The following PTDSS2 variants were observed in gnomAD, a reference collection of about 807,000 sequenced individuals.
PTDSS2 encodes phosphatidylserine synthase 2.
A neutral mutation model predicts 64.7 loss-of-function variants in PTDSS2; 41 were observed. The ratio of observed to expected loss-of-function variants is 0.63; its 90% confidence interval spans 0.49 to 0.82. PTDSS2 has a LOEUF of 0.82. PTDSS2 is among the 40% of genes least tolerant of loss of function. PTDSS2 has a pLI of 0.00. For synonymous variants in PTDSS2, 297 were observed against 277.8 expected, an observed-to-expected ratio of 1.07 and a Z score of -0.69; for missense variants, 485 against 650.0, an observed-to-expected ratio of 0.75 and a Z score of 2.76.
intron 1 of PTDSS2, among the ~76,000 whole-genome samples, chr11:452,732 CTT>C (rs1846396791): frequency 1.3e-5 from 2 of 152,144 alleles, no homozygotes; most frequent in Non-Finnish European, 2.9e-5. Flanking sequence ...GAGCTTCACG[CTT>C]CTGGGTGGCA....
Position 470,407 on chromosome 11 carries a change from G to A in PTDSS2, c.285-3488G>A, listed in dbSNP as rs80134326. On this transcript the variant is annotated intron_variant, in intron 2 of 11. Coordinates refer to ENST00000308020, the MANE Select transcript of PTDSS2 (RefSeq NM_030783.3). The surrounding 1 kb of genome is among the most constrained non-coding windows in gnomAD (Gnocchi z 5.3). ...ATCCAGGTCATCAGAGACAAGGAGA[G>A]TCTGAGAAACCGTCCCAGCCTCGGG... Among the ~76,000 whole-genome samples the A allele has an allele frequency of 4.2e-3, 641 of 152,278 alleles. 3 individuals carry two copies. The highest frequency in any genetic ancestry group is 0.015 in the African/African-American group (617 of 41,550).
chr11:485,358 G>A (rs1261978173), intron 4 of PTDSS2, among the ~76,000 whole-genome samples: 7 of 142,832 alleles, frequency 4.9e-5, no homozygotes, highest in African/African-American at 1.1e-4. Context: ...CTGCGCAGGC[G>A]TCTGTAAACA....
chr11:473,677 G>A (rs1282297754), intron 2 of PTDSS2, among the ~76,000 whole-genome samples: 2 of 152,170 alleles, frequency 1.3e-5, no homozygotes, highest in South Asian at 2.1e-4. Context: ...TCCCTGCCGC[G>A]GAGGCGGCAA....
At chr11:450,982 C>G (rs1045425587) in intron 1 of PTDSS2, among the ~76,000 whole-genome samples, 5 of 152,100 alleles carry the variant, frequency 3.3e-5, no homozygotes, top group Admixed American at 2.6e-4. Flanking sequence ...CCACCCGCCT[C>G]CAGCGTCACC....
chr11:459,984 T>G (rs1399338128), intron 1 of PTDSS2: 1 of 561,094 alleles, frequency 1.8e-6, no homozygotes, highest in African/African-American at 1.9e-5. Context: ...TCCTGGGGGC[T>G]GGTCTCAGCC....
chr11:458,737 A>G (rs529115506), intron 1 of PTDSS2: 3 of 152,176 alleles, frequency 2.0e-5, no homozygotes, highest in African/African-American at 4.8e-5. Context: ...GGCTCAAGCA[A>G]TCCTCTTGTC....
At chr11:478,341 C>T (rs943653101) in intron 3 of PTDSS2, among the ~76,000 whole-genome samples, 8 of 151,598 alleles carry the variant, frequency 5.3e-5, no homozygotes, top group Non-Finnish European at 8.8e-5. Flanking sequence ...TACCTGTGGT[C>T]CCAGCTACTC....
Position 490,026 on chromosome 11 carries a change from C to T in PTDSS2, c.1259C>T (p.Ser420Phe). The T allele has an allele frequency of 1.2e-6, 2 of 1,611,296 alleles. No individual in the cohort carries two copies. The highest frequency in any genetic ancestry group is 1.7e-6 in the Non-Finnish European group (2 of 1,179,960). The change falls in exon 11 of 12, where the codon TCC (serine) becomes TTC (phenylalanine). Residue 420 changes from serine to phenylalanine, a missense_variant. Coordinates refer to ENST00000308020, the MANE Select transcript of PTDSS2 (RefSeq NM_030783.3). The stretch of plus-strand genomic sequence containing the variant: ...ATCTCCCAGTGCTGGACCCTCGGCT[C>T]CGTCCTGGCGCTCACCTGGACCGTC... ...FYISQCWTLG[S>F]VLALTWTVWR... is the part of the protein sequence containing the mutation.
intron 1 of PTDSS2, among the ~76,000 whole-genome samples, chr11:457,675 T>TTTG (rs1236091867): frequency 6.6e-6 from 1 of 152,208 alleles, no homozygotes; most frequent in Admixed American, 6.5e-5. Context: ...CGTTTTAGGT[T>TTTG]ATTATACCTG....
chr11:470,357 T>A lies in PTDSS2; in HGVS notation c.285-3538T>A, dbSNP rs2133793623. Reference sequence around the variant, plus strand: ...TCTCACTAAGGAACATTCCACAGAATTCCTGACCAGGCCTCCTCCAAACCA... The same window carrying A: ...TCTCACTAAGGAACATTCCACAGAAATCCTGACCAGGCCTCCTCCAAACCA... On this transcript the variant is annotated intron_variant, in intron 2 of 11. Transcript: ENST00000308020. This position sits in a 1 kb window ranked among gnomAD's most constrained non-coding sequence, Gnocchi z 5.3. 6.6e-6 allele frequency among the ~76,000 whole-genome samples: 1 copy of A among 152,246 alleles called. No homozygotes were observed. The highest frequency in any genetic ancestry group is 1.5e-5 in the Non-Finnish European group (1 of 68,006).
Position 450,313 on chromosome 11 carries a change from G to A in PTDSS2, c.-143G>A. 1 of 631,472 alleles carries A rather than the reference G, an allele frequency of 1.6e-6. No individual in the cohort carries two copies. The highest frequency in any genetic ancestry group is 2.2e-6 in the Non-Finnish European group (1 of 445,768). The allele number at this position is 631,472 out of a possible 1,614,324, so 39.1% of individuals were successfully genotyped here. ...CGCACACCCTTTACTGGCCGGCCCC[G>A]CGCTGCTCTCCTAAGACCCCGCGGG... On this transcript the variant is annotated 5_prime_UTR_variant, in exon 1 of 12. Coordinates refer to ENST00000308020, the MANE Select transcript of PTDSS2 (RefSeq NM_030783.3).
intron 2 of PTDSS2, among the ~76,000 whole-genome samples, chr11:473,196 C>G (rs1847561622): frequency 6.6e-6 from 1 of 152,214 alleles, no homozygotes; most frequent in African/African-American, 2.4e-5. Flanking sequence ...AGCACCTTGC[C>G]CCTGCCCAGA....
At chr11:490,256 C>T (rs2133847478) in intron 11 of PTDSS2, among the ~76,000 whole-genome samples, 164 bp from the exon 12 acceptor site, 1 of 152,222 alleles carries the variant, frequency 6.6e-6, no homozygotes, top group East Asian at 1.9e-4. Flanking sequence ...CAGATCCAGG[C>T]TCCTCAGGGC....
chr11:486,219 C>A (rs997838168), intron 4 of PTDSS2, among the ~76,000 whole-genome samples: 1 of 151,026 alleles, frequency 6.6e-6, no homozygotes, highest in African/African-American at 2.4e-5. Context: ...CTGATGCCAG[C>A]GTCTGGGTGA....
rs1847800862 is a variant in PTDSS2, at chr11:476,290, G to C, written c.367+2313G>C. ...CAGAGCCGTGGAAGGTGCAGTGATG[G>C]TGAGAAACTGCCCGTCACACAGTGA... On this transcript the variant is annotated intron_variant, in intron 3 of 11. Coordinates refer to ENST00000308020, the MANE Select transcript of PTDSS2 (RefSeq NM_030783.3). This position sits in a 1 kb window ranked among gnomAD's most constrained non-coding sequence, Gnocchi z 4.9. Among the ~76,000 whole-genome samples the C allele has an allele frequency of 6.6e-6, 1 of 152,180 alleles. No homozygotes were observed. Among genetic ancestry groups the C allele is most frequent in the African/African-American group, 2.4e-5 (1 of 41,420 alleles).
At chr11:481,032 C>T (rs1025251169) in intron 4 of PTDSS2, among the ~76,000 whole-genome samples, 16 of 150,770 alleles carry the variant, frequency 1.1e-4, no homozygotes, top group Non-Finnish European at 1.9e-4. Context: ...TGCAGTGAGC[C>T]GAGATCACGC....
At chr11:473,019 A>G (rs1159838913) in intron 2 of PTDSS2, among the ~76,000 whole-genome samples, 3 of 152,218 alleles carry the variant, frequency 2.0e-5, no homozygotes, top group Non-Finnish European at 4.4e-5. Flanking sequence ...TCTGCAGAGC[A>G]CAGAGCGCGT....
At chr11:482,860 G>A (rs192312697) in intron 4 of PTDSS2, among the ~76,000 whole-genome samples, 2 of 140,364 alleles carry the variant, frequency 1.4e-5, no homozygotes, top group Non-Finnish European at 1.5e-5. Context: ...GTTTCTGTGA[G>A]TTTTTCGTAG....
chr11:490,107 C>A (rs778063040), intron 11 of PTDSS2, 39 bp downstream of exon 11: 2 of 1,563,036 alleles, frequency 1.3e-6, no homozygotes, highest in Non-Finnish European at 1.7e-6. Context: ...GAAGGAGGGC[C>A]GCTGTCCGGG....
Sources: allele counts gnomAD v4.1 joint callset (sites outside exome capture counted in the v4.1 genomes callset), GRCh38; gene constraint gnomAD v4.1.1; non-coding constraint Gnocchi (gnomAD v3.1); transcripts MANE v1.5; gene names NCBI Gene and HGNC (gene_info 2026-07-23, HGNC 2026-07-21).